Variants in AQR observed in about 807,000 individuals in gnomAD.
AQR encodes aquarius intron-binding spliceosomal factor, also known as RNA helicase aquarius.
A neutral mutation model predicts 180.5 loss-of-function variants in AQR; 61 were observed. The observed-to-expected ratio is 0.34, with a 90% CI of 0.28 to 0.42. The LOEUF is 0.42. AQR is among the 10% of genes least tolerant of loss of function. The probability of loss-of-function intolerance (pLI) is 1.00; values close to 1 mark genes in which losing one functional copy is unlikely to be tolerated. For synonymous variants in AQR, 551 were observed against 588.8 expected, an observed-to-expected ratio of 0.94 and a Z score of 0.93; for missense variants, 1,281 against 1,798.3, an observed-to-expected ratio of 0.71 and a Z score of 5.20.
At chr15:34,872,866 A>G (rs1892840563) in intron 30 of AQR, among the ~76,000 whole-genome samples, 1 of 152,108 alleles carries the variant, frequency 6.6e-6, no homozygotes, top group Non-Finnish European at 1.5e-5. Context: ...AAAGAAAAAA[A>G]TTAAAATAAC....
In AQR at chr15:34,851,998, A is replaced by G. The variant is rs1892518838; in HGVS notation, c.*4794T>C. On this transcript the variant is annotated 3_prime_UTR_variant, in exon 35 of 35. Coordinates refer to ENST00000156471, the MANE Select transcript of AQR (RefSeq NM_014691.3). ...TACCACATGACACTCAATAAATTAC[A>G]CTACGACATTTTGTACAAATCACTT... is the stretch of plus-strand genomic sequence containing the variant. 1 of 152,134 alleles carries G rather than the reference A, an allele frequency of 6.6e-6. No homozygotes were observed. Among genetic ancestry groups the G allele is most frequent in the African/African-American group, 2.4e-5 (1 of 41,430 alleles). The allele number at this position is 152,134 out of a possible 1,614,324, so 9.4% of individuals were successfully genotyped here. A position where few individuals can be genotyped will look rare whatever the true frequency, so the allele number is the denominator to read the frequency against.
chr15:34,922,565 G>A (rs1006496461), intron 13 of AQR, among the ~76,000 whole-genome samples: 1 of 151,508 alleles, frequency 6.6e-6, no homozygotes, highest in African/African-American at 2.4e-5. Context: ...TGTTTTTTTG[G>A]TTTTGTTGAG....
Position 34,884,662 on chromosome 15 carries a change from C to T in AQR, c.2890G>A (p.Val964Ile). 1.2e-5 allele frequency: 20 copies of T among 1,612,756 alleles called. No homozygotes were observed. The highest frequency in any genetic ancestry group is 1.7e-5 in the Non-Finnish European group (20 of 1,179,642). Residue 964 changes from valine to isoleucine, a missense_variant, in exon 26 of 35, where the codon GTC becomes ATC. By Grantham distance (29) the Val-to-Ile change is conservative. Around this residue, in one of 9 missense-constraint regions of AQR, gnomAD observed 125 missense variants for 185.0 expected, o/e 0.68. Coordinates refer to ENST00000156471, the MANE Select transcript of AQR (RefSeq NM_014691.3). ...KGSTLPDVTE[V>I]STFFPFHEYF... ...TCATGGAAAGGGAAGAAAGTGGAGA[C>T]TTCCGTAACATCTGGCAATGTACTA...
chr15:34,925,983 C>T (rs901249734), intron 13 of AQR, among the ~76,000 whole-genome samples: 2 of 151,908 alleles, frequency 1.3e-5, no homozygotes, highest in African/African-American at 4.8e-5. Context: ...TTGGCTAACA[C>T]GGTGAAACCC....
rs1893626577 is a variant in AQR, at chr15:34,918,251, A to G, written c.1342+7T>C. ...TGTACAGCTGAATCCATACTTCTTT[A>G]CCATACCTTCTCCAGAATAGTACTC... On this transcript the variant is annotated splice_region_variant and intron_variant, in intron 15 of 34. Coordinates refer to ENST00000156471, the MANE Select transcript of AQR (RefSeq NM_014691.3). The G allele has an allele frequency of 6.2e-7, 1 of 1,611,348 alleles. No individual in the cohort carries two copies. The highest frequency in any genetic ancestry group is 1.3e-5 in the African/African-American group (1 of 74,902).
rs544626659 is a variant in AQR, at chr15:34,969,704, G to A, written c.-91C>T. On this transcript the variant is annotated 5_prime_UTR_variant, in exon 1 of 35. Transcript: ENST00000156471. ...CCACTTCCCTTAAGTTACTGCCGGG[G>A]CGCTTAACTCCGCGCCGCACAAACG... The A allele has an allele frequency of 6.3e-5, 84 of 1,341,046 alleles. No homozygotes were observed. In the Admixed American group the frequency reaches 1.9e-3, roughly 30 times the overall value. 83.1% of individuals were successfully genotyped at this position (1,341,046 alleles called of 1,614,324 possible). A position where few individuals can be genotyped will look rare whatever the true frequency, so the allele number is the denominator to read the frequency against.
chr15:34,913,581 ATT>A (rs869124131), intron 16 of AQR, among the ~76,000 whole-genome samples: 1 of 152,064 alleles, frequency 6.6e-6, no homozygotes, highest in Non-Finnish European at 1.5e-5. Context: ...ATTAAAAAAA[ATT>A]TTTTTTATTA....
At chr15:34,943,480 TAA>T (rs869195592) in intron 6 of AQR, 3 of 415,108 alleles carry the variant, frequency 7.2e-6, no homozygotes, top group African/African-American at 2.4e-5. Context: ...AATAAATAAA[TAA>T]AAATAAATGT....
intron 4 of AQR, among the ~76,000 whole-genome samples, chr15:34,949,546 T>C (rs534304479): frequency 8.4e-4 from 114 of 136,094 alleles, no homozygotes; most frequent in African/African-American, 3.1e-3. Flanking sequence ...GAGGCGGAGA[T>C]TGCAGTGAGC....
chr15:34,857,173 C>A, intron 34 of AQR, 67 bp from the exon 35 acceptor site: 1 of 1,411,736 alleles, frequency 7.1e-7, no homozygotes, highest in Non-Finnish European at 9.4e-7. Flanking sequence ...TAAGCTCTCA[C>A]ATTACCATTC....
At chr15:34,963,661 CTTTT>C (rs35112194) in intron 2 of AQR, among the ~76,000 whole-genome samples, 1 of 148,602 alleles carries the variant, frequency 6.7e-6, no homozygotes, top group Non-Finnish European at 1.5e-5. Context: ...TACACGTACA[CTTTT>C]TTTTTTTCTT....
At chr15:34,912,528 T>C (rs182138927) in intron 16 of AQR, among the ~76,000 whole-genome samples, 1 of 152,168 alleles carries the variant, frequency 6.6e-6, no homozygotes, top group African/African-American at 2.4e-5. Flanking sequence ...AAATACATTT[T>C]AGGACAAGCT....
At chr15:34,958,581 A>G (rs1380077664) in intron 3 of AQR, among the ~76,000 whole-genome samples, 1 of 152,236 alleles carries the variant, frequency 6.6e-6, no homozygotes. Flanking sequence ...AGCCAAATGT[A>G]TATGGCTTAA....
intron 14 of AQR, among the ~76,000 whole-genome samples, chr15:34,919,360 A>T (rs1396981696): frequency 6.6e-6 from 1 of 152,220 alleles, no homozygotes; most frequent in East Asian, 1.9e-4. Flanking sequence ...AGAAAAAATC[A>T]TGATATCTAA....
rs1187158543 is a variant in AQR, at chr15:34,882,644, G to A, written c.3028-5C>T. 2 of 1,593,200 alleles carry A rather than the reference G, an allele frequency of 1.3e-6. No individual in the cohort carries two copies. Among genetic ancestry groups the A allele is most frequent in the Non-Finnish European group, 1.7e-6 (2 of 1,171,200 alleles). On this transcript the variant is annotated splice_region_variant and splice_polypyrimidine_tract_variant and intron_variant, in intron 26 of 34. Coordinates refer to ENST00000156471, the MANE Select transcript of AQR (RefSeq NM_014691.3). ...CAATTCAGAGGCTCTGAATTCCTATGGAAACGAGGAGCAATGAAAGATAAT... is the reference window on the plus strand; with the variant it reads ...CAATTCAGAGGCTCTGAATTCCTATAGAAACGAGGAGCAATGAAAGATAAT...
At chr15:34,920,883 G>A (rs1893673746) in intron 13 of AQR, among the ~76,000 whole-genome samples, 1 of 151,724 alleles carries the variant, frequency 6.6e-6, no homozygotes, top group Non-Finnish European at 1.5e-5. Flanking sequence ...GCGTGAACCC[G>A]GGAGGCGGAG....
intron 33 of AQR, 126 bp downstream of exon 33, chr15:34,862,741 A>G (rs1464919282): frequency 1.9e-6 from 2 of 1,030,608 alleles, no homozygotes; most frequent in Non-Finnish European, 2.8e-6. Context: ...TCCTCAGTGC[A>G]GCACACTCTA....
intron 3 of AQR, among the ~76,000 whole-genome samples, chr15:34,956,426 G>C (rs1026666871): frequency 6.6e-6 from 1 of 151,930 alleles, no homozygotes; most frequent in African/African-American, 2.4e-5. Flanking sequence ...CGAGGTGGGC[G>C]GATCACCTGA....
intron 13 of AQR, among the ~76,000 whole-genome samples, chr15:34,923,899 T>C (rs1463012808): frequency 1.3e-5 from 2 of 152,228 alleles, no homozygotes; most frequent in Non-Finnish European, 2.9e-5. Flanking sequence ...TTATTATAGT[T>C]CCTTTGCCTT....
Sources: allele counts gnomAD v4.1 joint callset (sites outside exome capture counted in the v4.1 genomes callset), GRCh38; gene constraint gnomAD v4.1.1; regional missense constraint gnomAD v4.1.1; transcripts MANE v1.5; gene names NCBI Gene and HGNC (gene_info 2026-07-23, HGNC 2026-07-21).